The following PADI4 variants were observed in gnomAD, a reference collection of about 807,000 sequenced individuals.
PADI4 encodes peptidyl arginine deiminase 4, also known as protein-arginine deiminase type-4.
Under a neutral mutation model 75.0 loss-of-function variants are expected in PADI4, and 62 were observed. The observed-to-expected ratio is 0.83, with a 90% CI of 0.67 to 1.02. The LOEUF (loss-of-function observed/expected upper bound fraction) is 1.02. PADI4 is among the 50% of genes least tolerant of loss of function. The probability of loss-of-function intolerance (pLI) is 0.00; values close to 1 mark genes in which losing one functional copy is unlikely to be tolerated. For missense variants in PADI4, 845 were observed against 850.5 expected (o/e 0.99, Z 0.08); for synonymous variants, 361 against 348.1 (o/e 1.04, Z -0.41).
intron 1 of PADI4, among the ~76,000 whole-genome samples, chr1:17,319,360 G>C (rs942709596): frequency 1.3e-5 from 2 of 152,108 alleles, no homozygotes; most frequent in African/African-American, 4.8e-5. Flanking sequence ...GAGCCCAGGA[G>C]TTCAAGACCA....
At chr1:17,323,718 G>C (rs1257852202) in intron 1 of PADI4, among the ~76,000 whole-genome samples, 2 of 151,866 alleles carry the variant, frequency 1.3e-5, no homozygotes, top group Non-Finnish European at 2.9e-5. Context: ...CTGTAGTCCT[G>C]GCTACTTGGG....
At chr1:17,357,103 G>A (rs995161614) in intron 13 of PADI4, among the ~76,000 whole-genome samples, 1 of 152,200 alleles carries the variant, frequency 6.6e-6, no homozygotes, top group Non-Finnish European at 1.5e-5. Context: ...AAGGCAAAAT[G>A]TTCCAGTGAA....
intron 1 of PADI4, among the ~76,000 whole-genome samples, chr1:17,322,495 A>G (rs1053882490): frequency 6.7e-6 from 1 of 150,094 alleles, no homozygotes; most frequent in African/African-American, 2.5e-5. Flanking sequence ...TCCCCCCCCA[A>G]AAAAAAAGAT....
rs529473261 is a variant in PADI4, at chr1:17,350,603, G to T, written c.1155+2555G>T. Among the ~76,000 whole-genome samples, 9 of 131,122 alleles carry T rather than the reference G, an allele frequency of 6.9e-5. 3 individuals are homozygous for T. In the South Asian group the frequency reaches 2.6e-3, roughly 37 times the overall value. The allele number at this position is 131,122 out of a possible 152,430, so 86.0% of individuals were successfully genotyped here. The stretch of plus-strand genomic sequence containing the variant: ...AGCCCACTCTTGGGGGGCCACTTCT[G>T]CAGACTATGGATATGCCTTCATTTG... On this transcript the variant is annotated intron_variant, in intron 10 of 15. Coordinates refer to ENST00000375448, the MANE Select transcript of PADI4 (RefSeq NM_012387.3).
At chr1:17,332,579 CTT>C (rs2074234077) in intron 2 of PADI4, among the ~76,000 whole-genome samples, 1 of 152,158 alleles carries the variant, frequency 6.6e-6, no homozygotes, top group South Asian at 2.1e-4. Flanking sequence ...TCTGCAAAGA[CTT>C]TTTTTCCAAA....
At chr1:17,321,588 C>T (rs1460337736) in intron 1 of PADI4, among the ~76,000 whole-genome samples, 3 of 152,150 alleles carry the variant, frequency 2.0e-5, no homozygotes, top group South Asian at 2.1e-4. Context: ...AAATTGACTT[C>T]GTGAGGGTAG....
intron 1 of PADI4, among the ~76,000 whole-genome samples, chr1:17,330,617 A>T (rs1300541813): frequency 1.3e-5 from 2 of 152,202 alleles, no homozygotes; most frequent in African/African-American, 4.8e-5. Context: ...GTCTAAGGGC[A>T]GGAGGAGCGG....
At chr1:17,326,423 G>A (rs1022174007) in intron 1 of PADI4, among the ~76,000 whole-genome samples, 1 of 152,118 alleles carries the variant, frequency 6.6e-6, no homozygotes, top group African/African-American at 2.4e-5. Context: ...TCAGTCCTAA[G>A]TATTATTACT....
At chr1:17,333,061 A>G (rs1635597) in intron 2 of PADI4, among the ~76,000 whole-genome samples, 98,379 of 151,988 alleles carry the variant, frequency 0.65, 32,004 homozygotes, top group Non-Finnish European at 0.67. Context: ...CATTTTCTGC[A>G]AACAACAGGA....
rs200193047 is a variant in PADI4 at position 17,356,077 on chromosome 1, G to A, written c.1405G>A (p.Val469Met). 324 of 1,614,048 alleles carry A rather than the reference G, an allele frequency of 2.0e-4. 1 individual carries two copies. The highest frequency in any genetic ancestry group is 1.3e-4 in the Non-Finnish European group (150 of 1,179,998). ...PVKLYSDWLSVGHVDEFLSFV... is the reference protein window; with the variant it reads ...PVKLYSDWLSMGHVDEFLSFV... ...GAAGCTCTATTCTGACTGGCTGTCC[G>A]TGGGCCACGTGGACGAGTTCCTGAG... The change falls in exon 12 of 16, where the codon GTG becomes ATG. Residue 469 changes from valine (V) to methionine (M), a missense_variant. Physicochemically the swap from Val to Met is conservative, Grantham distance 21 (BLOSUM62 1). Transcript: ENST00000375448. This position sits in a 1 kb window ranked among gnomAD's most constrained non-coding sequence, Gnocchi z 4.1.
chr1:17,315,775 C>A (rs376089674), intron 1 of PADI4, among the ~76,000 whole-genome samples: 1 of 152,004 alleles, frequency 6.6e-6, no homozygotes, highest in Non-Finnish European at 1.5e-5. Flanking sequence ...CTCATACCTT[C>A]CCTTGTAGCC....
At chr1:17,354,775 C>A in intron 11 of PADI4, 88 bp downstream of exon 11, 1 of 1,281,662 alleles carries the variant, frequency 7.8e-7, no homozygotes, top group Non-Finnish European at 1.1e-6. Context: ...TGCCTTCCTG[C>A]TTCCGATTCT....
chr1:17,334,526 C>T (rs1211917278), intron 3 of PADI4: 1 of 451,218 alleles, frequency 2.2e-6, no homozygotes, highest in African/African-American at 2.0e-5. Flanking sequence ...TGGTCTCGAA[C>T]TTCTGACCTC....
chr1:17,342,204 T>C, intron 7 of PADI4, 83 bp downstream of exon 7: 2 of 1,477,024 alleles, frequency 1.4e-6, no homozygotes, highest in Non-Finnish European at 1.9e-6. Flanking sequence ...AGAGCCCAGC[T>C]GGGCAGGGGG....
At position 17,356,114 on chromosome 1, in the gene PADI4, C is replaced by T; in HGVS notation, c.1442C>T (p.Ala481Val). ...HVDEFLSFVP[A>V]PDRKGFRLLL... is the part of the protein sequence containing the mutation. ...GACGAGTTCCTGAGCTTTGTGCCAGCACCCGACAGGAAGGTACAGTCTTGG... is the reference window on the plus strand; with the variant it reads ...GACGAGTTCCTGAGCTTTGTGCCAGTACCCGACAGGAAGGTACAGTCTTGG... Residue 481 changes from alanine (A) to valine (V), a missense_variant, in exon 12 of 16, where the codon GCA becomes GTA. Coordinates refer to ENST00000375448, the MANE Select transcript of PADI4 (RefSeq NM_012387.3). The surrounding 1 kb of genome is among the most constrained non-coding windows in gnomAD (Gnocchi z 4.1). The T allele has an allele frequency of 6.2e-7, 1 of 1,614,186 alleles. No homozygotes were observed. The highest frequency in any genetic ancestry group is 8.5e-7 in the Non-Finnish European group (1 of 1,180,018).
chr1:17,355,590 T>A (rs1177314198), intron 11 of PADI4, among the ~76,000 whole-genome samples: 1 of 152,124 alleles, frequency 6.6e-6, no homozygotes, highest in Admixed American at 6.6e-5. Context: ...ACTAATTTTT[T>A]TTTTTAGGAG....
intron 1 of PADI4, among the ~76,000 whole-genome samples, chr1:17,309,266 T>C (rs532614012): frequency 6.6e-6 from 1 of 152,012 alleles, no homozygotes; most frequent in Non-Finnish European, 1.5e-5. Context: ...TTCCAGGCAT[T>C]GTAAAGACCC....
At chr1:17,363,141 C>T (rs1292712382) in intron 15 of PADI4, among the ~76,000 whole-genome samples, 4 of 151,666 alleles carry the variant, frequency 2.6e-5, no homozygotes, top group Admixed American at 2.6e-4. Context: ...GGTAGAGTCT[C>T]GCTCTGTCGC....
chr1:17,359,347 A>T lies in PADI4; in HGVS notation c.1697A>T (p.Asp566Val), dbSNP rs763302790. 1 of 1,613,566 alleles carries T rather than the reference A, an allele frequency of 6.2e-7. No individual in the cohort carries two copies. The highest frequency in any genetic ancestry group is 8.5e-7 in the Non-Finnish European group (1 of 1,179,790). ...GGCCTGGCCGAGAGTGACATCATTG[A>T]CATCCCGCAGCTCTTCAAGCTCAAA... ...ELGLAESDII[D>V]IPQLFKLKEF... Residue 566 changes from aspartate (D) to valine (V), a missense_variant, in exon 15 of 16, where the codon GAC (aspartate) becomes GTC (valine). Physicochemically the swap from Asp to Val is radical, Grantham distance 152. Coordinates refer to ENST00000375448, the MANE Select transcript of PADI4 (RefSeq NM_012387.3).
Sources: gnomAD v4.1 joint callset for allele counts (sites outside exome capture counted in the v4.1 genomes callset) on GRCh38, gnomAD v4.1.1 for gene constraint, Gnocchi (gnomAD v3.1) non-coding constraint, MANE v1.5 for transcripts, NCBI Gene and HGNC (gene_info 2026-07-23, HGNC 2026-07-21) for gene names.